Variants in LCN9 observed in about 807,000 individuals in gnomAD.
The protein encoded by LCN9 is lipocalin 9.
In LCN9, 22 loss-of-function variants were observed where a neutral mutation model predicts 18.5. The ratio of observed to expected loss-of-function variants is 1.19; its 90% CI spans 0.85 to 1.70. LCN9 has a LOEUF of 1.70. Ranked by LOEUF, LCN9 falls within the 40% of genes most tolerant of loss-of-function variation. LCN9 has a pLI of 0.00. For synonymous variants in LCN9, 89 were observed against 83.0 expected (o/e 1.07, Z -0.39); for missense variants, 202 against 201.3 (o/e 1.00, Z -0.02).
chr9:135,665,086 C>T lies in LCN9; in HGVS notation c.308-159C>T. The T allele has an allele frequency of 1.5e-6, 1 of 648,396 alleles. No homozygotes were observed. The highest frequency in any genetic ancestry group is 1.8e-5 in the South Asian group (1 of 56,160). 40.2% of individuals were successfully genotyped at this position (648,396 alleles called of 1,614,324 possible). On this transcript the variant is annotated intron_variant, in intron 3 of 5. Transcript: ENST00000619315. This position sits in a 1 kb window ranked among gnomAD's most constrained non-coding sequence, Gnocchi z 5.9. The stretch of plus-strand genomic sequence containing the variant: ...GGGGGCTGTGCCGCTGCTGCCCGCC[C>T]CCTGTGCAGGGGTCTCCGCTGGGTG...
rs368925244 is a variant in LCN9 at position 135,665,770 on chromosome 9, C to T, written c.*9+18C>T. The T allele has an allele frequency of 9.9e-6, 16 of 1,612,800 alleles. No homozygotes were observed. Among genetic ancestry groups the T allele is most frequent in the African/African-American group, 9.3e-5 (7 of 74,916 alleles). On this transcript the variant is annotated intron_variant, in intron 5 of 5. Coordinates refer to ENST00000619315, the Ensembl canonical transcript of LCN9. This position sits in a 1 kb window ranked among gnomAD's most constrained non-coding sequence, Gnocchi z 5.9. ...CAACAAAGGTCAGCCCCACTGCTCC[C>T]GGACCAAGCGGGAGCCGGGACAGGG...
rs1588215543 is a variant in LCN9 at position 135,664,866 on chromosome 9, C to T, written c.307+71C>T. 10 of 1,428,620 alleles carry T rather than the reference C, an allele frequency of 7.0e-6. No homozygotes were observed. The East Asian group carries it at 1.5e-4, about 21-fold the overall frequency. 88.5% of individuals were successfully genotyped at this position (1,428,620 alleles called of 1,614,324 possible). ...CTTTCTCCAGGGCCTGGGCCATATT[C>T]TGGTGAGCACTGACTCTGGGGATTT... On this transcript the variant is annotated intron_variant, in intron 3 of 5. Coordinates refer to ENST00000619315, the Ensembl canonical transcript of LCN9. The surrounding 1 kb of genome is among the most constrained non-coding windows in gnomAD (Gnocchi z 4.5).
chr9:135,666,155 G>A, exon 6 of LCN9: 1 of 1,581,908 alleles, frequency 6.3e-7, no homozygotes, highest in South Asian at 1.1e-5. Flanking sequence ...AGGGGCTGAT[G>A]TCACCATATG....
At chr9:135,663,448 G>A (rs1451299404) in intron 1 of LCN9, 31 bp downstream of exon 1, 2 of 1,594,868 alleles carry the variant, frequency 1.3e-6, no homozygotes, top group African/African-American at 1.3e-5. Flanking sequence ...GTGGGGAAGG[G>A]GCCAGGCTTC....
At position 135,665,612 on chromosome 9, in the gene LCN9, G is replaced by T; in HGVS notation, c.419-76G>T. On this transcript the variant is annotated intron_variant, in intron 4 of 5. Transcript: ENST00000619315. This position sits in a 1 kb window ranked among gnomAD's most constrained non-coding sequence, Gnocchi z 5.9. ...CCTCAGCACTTCCTGAGCACCCCCA[G>T]CAAGGCCCAGCTTCACACAGAACCA... 1 of 1,446,802 alleles carries T rather than the reference G, an allele frequency of 6.9e-7. No homozygotes were observed. 89.6% of individuals were successfully genotyped at this position (1,446,802 alleles called of 1,614,324 possible).
chr9:135,666,249 C>T (rs1269054308), exon 6 of LCN9: 15 of 1,097,198 alleles, frequency 1.4e-5, no homozygotes. Flanking sequence ...GCTGTGCTCC[C>T]TCCACCAGCT....
rs1256377852 is a variant in LCN9 at position 135,665,252 on chromosome 9, C to T, written c.315C>T (p.Gly105=). The T allele has an allele frequency of 4.4e-6, 7 of 1,591,122 alleles. No homozygotes were observed. The African/African-American group carries it at 9.4e-5, about 21-fold the overall frequency. ...AGCCATGTCTCCACGCAGATGAGGG[C>T]CAGAACACAGTGGCCGTCTCGGAGA... is the stretch of plus-strand genomic sequence containing the variant. Residue 105 remains glycine (G), a synonymous_variant, in exon 4 of 6, where the codon GGC becomes GGT. Coordinates refer to ENST00000619315, the Ensembl canonical transcript of LCN9. The surrounding 1 kb of genome is among the most constrained non-coding windows in gnomAD (Gnocchi z 5.9).
Position 135,665,161 on chromosome 9 carries a change from A to G in LCN9, c.308-84A>G. ...GCCTCAAAAGGCCACTTGACCCCCC[A>G]TCCTCACTTGCGGCCACACAGCACG... On this transcript the variant is annotated intron_variant, in intron 3 of 5. Coordinates refer to ENST00000619315, the Ensembl canonical transcript of LCN9. The surrounding 1 kb of genome is among the most constrained non-coding windows in gnomAD (Gnocchi z 5.9). 1.0e-6 allele frequency: 1 copy of G among 957,850 alleles called. No homozygotes were observed. Among genetic ancestry groups the G allele is most frequent in the African/African-American group, 1.6e-5 (1 of 61,910 alleles). The allele number at this position is 957,850 out of a possible 1,614,324, so 59.3% of individuals were successfully genotyped here.
chr9:135,665,786 C>G lies in LCN9; in HGVS notation c.*9+34C>G. On this transcript the variant is annotated intron_variant, in intron 5 of 5. Transcript: ENST00000619315. The surrounding 1 kb of genome is among the most constrained non-coding windows in gnomAD (Gnocchi z 5.9). ...CACTGCTCCCGGACCAAGCGGGAGCCGGGACAGGGTGGGGATGGGAGGTGT... is the reference window on the plus strand; with the variant it reads ...CACTGCTCCCGGACCAAGCGGGAGCGGGGACAGGGTGGGGATGGGAGGTGT... 6.2e-7 allele frequency: 1 copy of G among 1,612,358 alleles called. No homozygotes were observed. Among genetic ancestry groups the G allele is most frequent in the Non-Finnish European group, 8.5e-7 (1 of 1,179,206 alleles).
chr9:135,664,012 AG>A lies in LCN9; in HGVS notation c.97-146del. 1 of 640,396 alleles carries A rather than the reference AG, an allele frequency of 1.6e-6. No homozygotes were observed. 39.7% of individuals were successfully genotyped at this position (640,396 alleles called of 1,614,324 possible). A position where few individuals can be genotyped will look rare whatever the true frequency, so the allele number is the denominator to read the frequency against. On this transcript the variant is annotated intron_variant, in intron 1 of 5. Transcript: ENST00000619315. The surrounding 1 kb of genome is among the most constrained non-coding windows in gnomAD (Gnocchi z 4.5). ...GGGGTAAAGGGGGGATCTGGTGACG[AG>A]GGGAGACCTGGGGGCACTGGAAGGG...
In LCN9 at chr9:135,664,283, T is replaced by C. The variant is rs1834179210; in HGVS notation, c.218T>C (p.Phe73Ser). The C allele has an allele frequency of 1.2e-6, 2 of 1,613,848 alleles. No homozygotes were observed. The highest frequency in any genetic ancestry group is 2.7e-5 in the African/African-American group (2 of 75,018). ...CACTTGAAGAACGGCAGCCTAATAT[T>C]TGATTTCGAATACATGTGCGTGTTG... The change falls in exon 2 of 6, where the codon TTT (phenylalanine) becomes TCT (serine). Residue 73 changes from phenylalanine (F) to serine (S), a missense_variant. Physicochemically the swap from Phe to Ser is radical, Grantham distance 155. Transcript: ENST00000619315. This position sits in a 1 kb window ranked among gnomAD's most constrained non-coding sequence, Gnocchi z 4.5.
chr9:135,666,454 A>C, exon 6 of LCN9: 2 of 272,972 alleles, frequency 7.3e-6, no homozygotes, highest in Non-Finnish European at 1.4e-5. Flanking sequence ...ACCTGCAAAG[A>C]CCCTTTCCCA....
Position 135,665,430 on chromosome 9 carries a change from G to A in LCN9, c.418+75G>A, listed in dbSNP as rs1439532162. 3 of 1,250,778 alleles carry A rather than the reference G, an allele frequency of 2.4e-6. No homozygotes were observed. The highest frequency in any genetic ancestry group is 3.4e-6 in the Non-Finnish European group (3 of 876,620). The allele number at this position is 1,250,778 out of a possible 1,614,324, so 77.5% of individuals were successfully genotyped here. On this transcript the variant is annotated intron_variant, in intron 4 of 5. Coordinates refer to ENST00000619315, the Ensembl canonical transcript of LCN9. The surrounding 1 kb of genome is among the most constrained non-coding windows in gnomAD (Gnocchi z 5.9). ...AAGTCCGGCCCAACCCTGGGCGGAG[G>A]AGGGTCTCGCAGTGGCCCTGGGGTT...
At position 135,665,381 on chromosome 9, in the gene LCN9, C is replaced by T. The variant is rs773765170; in HGVS notation, c.418+26C>T. 6 of 1,531,964 alleles carry T rather than the reference C, an allele frequency of 3.9e-6. No individual in the cohort carries two copies. In the Admixed American group the frequency reaches 9.5e-5, roughly 24 times the overall value. 94.9% of individuals were successfully genotyped at this position (1,531,964 alleles called of 1,614,324 possible). ...GTACCTCCGCTGTCCCCCTCTGACC[C>T]CCTCGGGGACCCCACCTCCTCTGAA... On this transcript the variant is annotated intron_variant, in intron 4 of 5. Transcript: ENST00000619315. The surrounding 1 kb of genome is among the most constrained non-coding windows in gnomAD (Gnocchi z 5.9).
chr9:135,666,190 T>C, exon 6 of LCN9: 1 of 1,533,412 alleles, frequency 6.5e-7, no homozygotes, highest in South Asian at 1.2e-5. Flanking sequence ...AACCAGGATT[T>C]ACTTTCTCAC....
chr9:135,664,834 G>C lies in LCN9; in HGVS notation c.307+39G>C, dbSNP rs770697086. 3.0e-5 allele frequency: 46 copies of C among 1,545,486 alleles called. No homozygotes were observed. The highest frequency in any genetic ancestry group is 3.9e-5 in the Non-Finnish European group (45 of 1,141,312). On this transcript the variant is annotated intron_variant, in intron 3 of 5. Coordinates refer to ENST00000619315, the Ensembl canonical transcript of LCN9. The surrounding 1 kb of genome is among the most constrained non-coding windows in gnomAD (Gnocchi z 4.5). ...AGGCTCCTCCTGGTCTCACAGTCGG[G>C]GGTCTCCTTTCTCCAGGGCCTGGGC...
Position 135,665,065 on chromosome 9 carries a change from G to A in LCN9, c.308-180G>A, listed in dbSNP as rs1834193875. Among the ~76,000 whole-genome samples, 1 of 152,262 alleles carries A rather than the reference G, an allele frequency of 6.6e-6. No homozygotes were observed. The highest frequency in any genetic ancestry group is 6.5e-5 in the Admixed American group (1 of 15,300). ...CAAGCCAATGACAAGGAGGGAGGGG[G>A]CTGTGCCGCTGCTGCCCGCCCCCTG... On this transcript the variant is annotated intron_variant, in intron 3 of 5. Coordinates refer to ENST00000619315, the Ensembl canonical transcript of LCN9. The surrounding 1 kb of genome is among the most constrained non-coding windows in gnomAD (Gnocchi z 5.9).
rs975734318 is a variant in LCN9, at chr9:135,664,133, C to G, written c.97-29C>G. 4 of 1,611,328 alleles carry G rather than the reference C, an allele frequency of 2.5e-6. No homozygotes were observed. Among genetic ancestry groups the G allele is most frequent in the Non-Finnish European group, 3.4e-6 (4 of 1,178,766 alleles). On this transcript the variant is annotated intron_variant, in intron 1 of 5. Transcript: ENST00000619315. The surrounding 1 kb of genome is among the most constrained non-coding windows in gnomAD (Gnocchi z 4.5). ...GCATCCCCAGGGCTGTCCCGCGGCC[C>G]CCCACCCACTGGAGCTCTTTGTCTT...
exon 6 of LCN9, chr9:135,666,074 G>A (rs1339691046): frequency 2.5e-6 from 4 of 1,599,536 alleles, no homozygotes; most frequent in Non-Finnish European, 3.4e-6. Flanking sequence ...CCTGGAGTCG[G>A]GGCAGTGATG....
Sources: allele counts gnomAD v4.1 joint callset (sites outside exome capture counted in the v4.1 genomes callset), GRCh38; gene constraint gnomAD v4.1.1; non-coding constraint Gnocchi (gnomAD v3.1); transcripts MANE v1.5; gene names NCBI Gene and HGNC (gene_info 2026-07-23, HGNC 2026-07-21).